The following ADGRV1 variants were observed in gnomAD, a reference collection of about 807,000 sequenced individuals.
The protein encoded by ADGRV1 is adhesion G protein-coupled receptor V1.
ADGRV1 carries 359 observed loss-of-function variants against 596.2 expected under a neutral mutation model. The ratio of observed to expected loss-of-function variants is 0.60; its 90% CI spans 0.55 to 0.66. The LOEUF (loss-of-function observed/expected upper bound fraction) is 0.66. Ranked by LOEUF, ADGRV1 falls within the 30% of genes least tolerant of loss-of-function variation. ADGRV1 has a pLI of 0.00. For missense variants in ADGRV1, 7,274 were observed against 7,575.6 expected (o/e 0.96, Z 1.48); for synonymous variants, 2,681 against 2,679.2 (o/e 1.00, Z -0.02).
At chr5:90,699,288 A>G (rs771067186) in intron 34 of ADGRV1, among the ~76,000 whole-genome samples, 2 of 152,150 alleles carry the variant, frequency 1.3e-5, no homozygotes, top group Non-Finnish European at 2.9e-5. Flanking sequence ...GGCAAACAAA[A>G]CAAAACACAA....
At chr5:90,653,151 A>G (rs1768885857) in intron 19 of ADGRV1, 58 bp from the exon 20 acceptor site, 2 of 1,424,202 alleles carry the variant, frequency 1.4e-6, no homozygotes, top group East Asian at 4.9e-5. Context: ...TTTTCTTCAC[A>G]TTATACTAGA....
chr5:90,866,425 G>GT (rs1258090936), intron 83 of ADGRV1, among the ~76,000 whole-genome samples: 1 of 151,628 alleles, frequency 6.6e-6, no homozygotes, highest in African/African-American at 2.4e-5. Context: ...TGAATCTGGA[G>GT]TTTGTCATTA....
chr5:91,144,361 A>G (rs1364420910), intron 87 of ADGRV1, among the ~76,000 whole-genome samples: 1 of 152,230 alleles, frequency 6.6e-6, no homozygotes, highest in East Asian at 1.9e-4. Context: ...GCTGCAGTGC[A>G]GTGATGCAAA....
chr5:91,016,560 A>T (rs889292404), intron 85 of ADGRV1, among the ~76,000 whole-genome samples: 1 of 152,012 alleles, frequency 6.6e-6, no homozygotes, highest in Non-Finnish European at 1.5e-5. Context: ...CTGCATCATT[A>T]GTAGAAGAAA....
chr5:91,004,704 T>C (rs1782130132), intron 85 of ADGRV1, among the ~76,000 whole-genome samples: 1 of 152,192 alleles, frequency 6.6e-6, no homozygotes, highest in African/African-American at 2.4e-5. Context: ...GATTTAATCA[T>C]TTGTTGTGAA....
chr5:90,881,770 G>A (rs1261364268), intron 83 of ADGRV1, among the ~76,000 whole-genome samples: 1 of 152,138 alleles, frequency 6.6e-6, no homozygotes, highest in African/African-American at 2.4e-5. Flanking sequence ...TATTGGTCAG[G>A]CTGGAGTGCA....
chr5:90,592,816 A>C (rs1414315915), intron 1 of ADGRV1, among the ~76,000 whole-genome samples: 2 of 152,238 alleles, frequency 1.3e-5, no homozygotes, highest in Non-Finnish European at 2.9e-5. Flanking sequence ...TCAAAAGAAG[A>C]CATTTATGCA....
rs557447828 is a variant in ADGRV1, at chr5:90,904,458, A to G, written c.17856+40601A>G. On this transcript the variant is annotated intron_variant, in intron 83 of 89. Coordinates refer to ENST00000405460, the MANE Select transcript of ADGRV1 (RefSeq NM_032119.4). ...TGTCTTTCGGATATAAGCCAGTTTAACTGGGGTGAGCTGATATCTCACTGT... is the reference window on the plus strand; with the variant it reads ...TGTCTTTCGGATATAAGCCAGTTTAGCTGGGGTGAGCTGATATCTCACTGT... Among the ~76,000 whole-genome samples the G allele has an allele frequency of 2.6e-5, 4 of 152,206 alleles. No individual in the cohort carries two copies. In the South Asian group the frequency reaches 6.2e-4, roughly 24 times the overall value.
At chr5:90,956,404 C>T (rs546004787) in intron 83 of ADGRV1, among the ~76,000 whole-genome samples, 2 of 152,218 alleles carry the variant, frequency 1.3e-5, no homozygotes, top group African/African-American at 2.4e-5. Context: ...TTCTGAGTAA[C>T]GACTCAGTAC....
intron 18 of ADGRV1, among the ~76,000 whole-genome samples, chr5:90,652,015 C>A (rs550568648): frequency 1.3e-5 from 2 of 150,950 alleles, no homozygotes; most frequent in African/African-American, 4.9e-5. Flanking sequence ...TCTTCAGGAA[C>A]TCTTCTCTCA....
At position 91,049,076 on chromosome 5, in the gene ADGRV1, AT is replaced by A. The variant is rs200057273; in HGVS notation, c.18153-23370del. 5.9e-3 allele frequency among the ~76,000 whole-genome samples: 894 copies of A among 151,300 alleles called. 10 individuals carry two copies. The highest frequency in any genetic ancestry group is 0.017 in the East Asian group (86 of 5,186). ...TTCTGCTTTTCCTTAAAAAAAAAAA[AT>A]AAACCAAGACCACTGAACTGAACCA... On this transcript the variant is annotated intron_variant, in intron 85 of 89. Coordinates refer to ENST00000405460, the MANE Select transcript of ADGRV1 (RefSeq NM_032119.4).
intron 84 of ADGRV1, among the ~76,000 whole-genome samples, chr5:90,966,530 CAAAAA>C (rs67304974): frequency 1.6e-4 from 16 of 100,716 alleles, no homozygotes; most frequent in Non-Finnish European, 2.1e-4. Context: ...GAAACTCTGC[CAAAAA>C]AAAAAAAAAA....
chr5:90,599,372 A>G (rs1006851061), intron 1 of ADGRV1, among the ~76,000 whole-genome samples: 10 of 152,224 alleles, frequency 6.6e-5, no homozygotes, highest in East Asian at 3.9e-4. Flanking sequence ...GAAAATTTTC[A>G]TCCCTTGACA....
At chr5:90,911,582 G>C (rs6889986) in intron 83 of ADGRV1, among the ~76,000 whole-genome samples, 1 of 151,848 alleles carries the variant, frequency 6.6e-6, no homozygotes, top group South Asian at 2.1e-4. Flanking sequence ...AATTTTTATT[G>C]ATATAAAACA....
intron 83 of ADGRV1, among the ~76,000 whole-genome samples, chr5:90,911,252 A>G (rs1772861988): frequency 6.6e-6 from 1 of 152,106 alleles, no homozygotes; most frequent in Non-Finnish European, 1.5e-5. Context: ...TGAGAATTCT[A>G]TTTTTAACTT....
intron 1 of ADGRV1, among the ~76,000 whole-genome samples, chr5:90,596,385 G>C (rs1760597887): frequency 6.6e-6 from 1 of 151,596 alleles, no homozygotes; most frequent in South Asian, 2.1e-4. Context: ...TCCCAGACGG[G>C]GTGGCGGCCG....
At chr5:90,932,639 T>A (rs1167926509) in intron 83 of ADGRV1, among the ~76,000 whole-genome samples, 1 of 152,162 alleles carries the variant, frequency 6.6e-6, no homozygotes, top group Non-Finnish European at 1.5e-5. Context: ...TATTTTCAAA[T>A]GTAAAAACAT....
intron 50 of ADGRV1, among the ~76,000 whole-genome samples, chr5:90,733,176 A>G (rs1021775953): frequency 7.2e-5 from 11 of 152,254 alleles, no homozygotes; most frequent in Non-Finnish European, 1.5e-5. Context: ...AGAAATGAAG[A>G]TTCAACAGCA....
chr5:90,632,377 C>T (rs747261846), intron 9 of ADGRV1, among the ~76,000 whole-genome samples: 1 of 152,026 alleles, frequency 6.6e-6, no homozygotes, highest in African/African-American at 2.4e-5. Context: ...TTACAGAGAA[C>T]GTTTTTGTTA....
Sources: allele counts gnomAD v4.1 joint callset (sites outside exome capture counted in the v4.1 genomes callset), GRCh38; gene constraint gnomAD v4.1.1; transcripts MANE v1.5; gene names NCBI Gene and HGNC (gene_info 2026-07-23, HGNC 2026-07-21).